CORO1C: variants seen among roughly 807,000 people sequenced by gnomAD.
CORO1C encodes the protein coronin-1C.
Under a neutral mutation model 51.2 loss-of-function variants are expected in CORO1C, and 14 were observed. That is an observed-to-expected ratio of 0.27 (90% CI 0.18 to 0.43). CORO1C has a LOEUF of 0.43. CORO1C is among the 20% of genes least tolerant of loss of function. The pLI, the probability that CORO1C is intolerant of heterozygous loss-of-function variation, is 1.00. For synonymous variants in CORO1C, 181 were observed against 210.5 expected (o/e 0.86, Z 1.21); for missense variants, 417 against 607.8 (o/e 0.69, Z 3.30).
intron 2 of CORO1C, among the ~76,000 whole-genome samples, chr12:108,687,982 C>A (rs1479939732): frequency 6.7e-6 from 1 of 149,498 alleles, no homozygotes; most frequent in Non-Finnish European, 1.5e-5. Flanking sequence ...TGCAGTGGTG[C>A]AATCTCAGCT....
chr12:108,660,722 T>C (rs1245512801), intron 4 of CORO1C, among the ~76,000 whole-genome samples: 1 of 152,168 alleles, frequency 6.6e-6, no homozygotes, highest in East Asian at 1.9e-4. Context: ...ATGAGAAAGG[T>C]AGCAGGGAAT....
At chr12:108,687,924 CTTT>C (rs200001763) in intron 2 of CORO1C, among the ~76,000 whole-genome samples, 1 of 143,880 alleles carries the variant, frequency 7.0e-6, no homozygotes, top group East Asian at 2.0e-4. Context: ...CCCTCTGACC[CTTT>C]TTTTTTTTTT....
At chr12:108,679,144 G>GAAAAAAA (rs58733297) in intron 2 of CORO1C, among the ~76,000 whole-genome samples, 1 of 47,336 alleles carries the variant, frequency 2.1e-5, no homozygotes, top group Non-Finnish European at 4.5e-5. Context: ...CAAGAAAAAA[G>GAAAAAAA]AAAAAAAAAA....
chr12:108,654,845 A>G (rs779095395), intron 6 of CORO1C, among the ~76,000 whole-genome samples: 1 of 151,892 alleles, frequency 6.6e-6, no homozygotes, highest in Non-Finnish European at 1.5e-5. Flanking sequence ...GGGATTATAG[A>G]TAGGCACATG....
chr12:108,705,026 CA>C (rs1165278278), intron 1 of CORO1C, among the ~76,000 whole-genome samples: 1 of 152,098 alleles, frequency 6.6e-6, no homozygotes, highest in Admixed American at 6.5e-5. Context: ...GTTAAATACA[CA>C]AAATTAATCA....
At chr12:108,656,101 C>T (rs1273909118) in intron 6 of CORO1C, among the ~76,000 whole-genome samples, 1 of 147,500 alleles carries the variant, frequency 6.8e-6, no homozygotes, top group Non-Finnish European at 1.5e-5. Context: ...CCCCTCTGCC[C>T]GGCAGCCGCC....
At chr12:108,723,216 A>G (rs2035514145) in intron 1 of CORO1C, among the ~76,000 whole-genome samples, 1 of 152,242 alleles carries the variant, frequency 6.6e-6, no homozygotes, top group Non-Finnish European at 1.5e-5. Flanking sequence ...CAGAGATGAC[A>G]GCGCACTTTC....
In CORO1C at chr12:108,654,412, TG is replaced by T. The variant is rs1386046258; in HGVS notation, c.751-3del. 3 of 1,574,376 alleles carry T rather than the reference TG, an allele frequency of 1.9e-6. No homozygotes were observed. The highest frequency in any genetic ancestry group is 1.7e-6 in the Non-Finnish European group (2 of 1,144,512). ...AGCAATTGGTTCCTGCATATTTTTC[TG>T]GGGGGAAGATAATAATAATACATAT... On this transcript the variant is annotated splice_polypyrimidine_tract_variant and splice_region_variant and intron_variant, in intron 6 of 10. Transcript: ENST00000261401.
intron 3 of CORO1C, among the ~76,000 whole-genome samples, chr12:108,672,938 T>C (rs140445519): frequency 7.9e-5 from 12 of 152,316 alleles, no homozygotes; most frequent in Admixed American, 1.3e-4. Flanking sequence ...CTGCTCTTCC[T>C]GTATTCCTGT....
intron 2 of CORO1C, 117 bp from the exon 3 acceptor site, chr12:108,678,511 T>A (rs1000859275): frequency 1.5e-4 from 122 of 816,750 alleles, no homozygotes; most frequent in Non-Finnish European, 1.9e-4. Flanking sequence ...TTTCTAGATA[T>A]GACATCGTAT....
intron 2 of CORO1C, among the ~76,000 whole-genome samples, chr12:108,690,776 G>A (rs1186397530): frequency 1.3e-5 from 2 of 152,222 alleles, no homozygotes; most frequent in East Asian, 1.9e-4. Flanking sequence ...AACCCAAGAT[G>A]AGGTAGAATC....
At chr12:108,720,105 G>A (rs908885003) in intron 1 of CORO1C, among the ~76,000 whole-genome samples, 6 of 152,156 alleles carry the variant, frequency 3.9e-5, no homozygotes, top group Non-Finnish European at 8.8e-5. Flanking sequence ...AGGATCACTT[G>A]AGCCTGGGAG....
chr12:108,677,225 A>G (rs905170378), intron 3 of CORO1C, among the ~76,000 whole-genome samples: 1 of 152,204 alleles, frequency 6.6e-6, no homozygotes, highest in African/African-American at 2.4e-5. Context: ...ATTTGTGTTT[A>G]TGCCTAACCT....
At chr12:108,696,082 A>C (rs2034671520) in intron 2 of CORO1C, among the ~76,000 whole-genome samples, 2 of 152,110 alleles carry the variant, frequency 1.3e-5, no homozygotes, top group Admixed American at 1.3e-4. Flanking sequence ...CATGGGAGAG[A>C]AGAAGAGATC....
In CORO1C at chr12:108,647,337, C is replaced by A; in HGVS notation, c.*66G>T. On this transcript the variant is annotated 3_prime_UTR_variant, in exon 11 of 11. Coordinates refer to ENST00000261401, the MANE Select transcript of CORO1C (RefSeq NM_014325.4). Reference sequence around the variant, plus strand: ...CCTTTCCGCCCTCCCTAGGACCACACCAATAACCAGCTCCCAAGCACAAGT... The same window carrying A: ...CCTTTCCGCCCTCCCTAGGACCACAACAATAACCAGCTCCCAAGCACAAGT... The A allele has an allele frequency of 6.4e-7, 1 of 1,562,140 alleles. No homozygotes were observed. Among genetic ancestry groups the A allele is most frequent in the Non-Finnish European group, 8.7e-7 (1 of 1,145,218 alleles).
intron 2 of CORO1C, among the ~76,000 whole-genome samples, chr12:108,684,866 G>A (rs1404558292): frequency 6.6e-6 from 1 of 151,910 alleles, no homozygotes; most frequent in Non-Finnish European, 1.5e-5. Flanking sequence ...TATTAAATTT[G>A]CATTAAAATT....
At chr12:108,684,220 A>T (rs1347793843) in intron 2 of CORO1C, among the ~76,000 whole-genome samples, 5 of 152,242 alleles carry the variant, frequency 3.3e-5, no homozygotes, top group African/African-American at 9.6e-5. Flanking sequence ...ATAATTAGAG[A>T]ACTGCAAATT....
At chr12:108,680,155 A>C (rs2034072485) in intron 2 of CORO1C, among the ~76,000 whole-genome samples, 1 of 152,200 alleles carries the variant, frequency 6.6e-6, no homozygotes, top group Non-Finnish European at 1.5e-5. Flanking sequence ...CTAAATGTGG[A>C]GCCCAGTGAG....
At chr12:108,672,730 C>T (rs1051825524) in intron 3 of CORO1C, among the ~76,000 whole-genome samples, 1 of 151,900 alleles carries the variant, frequency 6.6e-6, no homozygotes, top group Admixed American at 6.6e-5. Context: ...TTTCCAACAG[C>T]GTATGTTCAC....
Sources: gnomAD v4.1 joint callset for allele counts (sites outside exome capture counted in the v4.1 genomes callset) on GRCh38, gnomAD v4.1.1 for gene constraint, MANE v1.5 for transcripts, NCBI Gene and HGNC (gene_info 2026-07-23, HGNC 2026-07-21) for gene names.